ZNF536: variants seen among roughly 807,000 people sequenced by gnomAD.
ZNF536 encodes the protein zinc finger protein 536.
ZNF536 carries 13 observed loss-of-function variants against 84.5 expected under a neutral mutation model. The ratio of observed to expected loss-of-function variants is 0.15; its 90% confidence interval spans 0.10 to 0.24. The LOEUF (loss-of-function observed/expected upper bound fraction) is 0.24. Ranked by LOEUF, ZNF536 falls within the 10% of genes least tolerant of loss-of-function variation. The pLI is 1.00. For missense variants in ZNF536, 1,536 were observed against 1,747.5 expected (o/e 0.88, Z 2.16); for synonymous variants, 811 against 742.5 (o/e 1.09, Z -1.50).
chr19:30,537,876 G>A (rs561561041), intron 3 of ZNF536, among the ~76,000 whole-genome samples: 4 of 152,236 alleles, frequency 2.6e-5, no homozygotes, highest in East Asian at 1.9e-4. Context: ...ACCACCCCTC[G>A]GAAGCAGCAT....
In ZNF536 at chr19:30,449,657, G is replaced by C. The variant is rs551740587; in HGVS notation, c.2170+3925G>C. Among the ~76,000 whole-genome samples the C allele has an allele frequency of 2.6e-5, 4 of 152,280 alleles. No individual in the cohort carries two copies. The South Asian group carries it at 8.3e-4, about 32-fold the overall frequency. ...GACCCTCTGTTCATTAAATAAAGTC[G>C]GCTAAGTTACAGGATCAATGGAAAG... On this transcript the variant is annotated intron_variant, in intron 2 of 4. Transcript: ENST00000355537.
chr19:30,700,201 C>CTTCT (rs1261092882), intron 1 of ZNF536, among the ~76,000 whole-genome samples: 1 of 82,710 alleles, frequency 1.2e-5, no homozygotes, highest in African/African-American at 4.2e-5. Context: ...TCTTTCTTTC[C>CTTCT]TTCTTTCTTT....
chr19:30,647,383 C>T (rs1390032358), intron 1 of ZNF536, among the ~76,000 whole-genome samples: 3 of 152,168 alleles, frequency 2.0e-5, no homozygotes, highest in Non-Finnish European at 4.4e-5. Flanking sequence ...AAGGTATTTG[C>T]TAACCGTTCC....
intron 2 of ZNF536, among the ~76,000 whole-genome samples, chr19:30,518,689 G>A (rs999385548): frequency 1.8e-4 from 27 of 152,216 alleles, no homozygotes; most frequent in African/African-American, 6.5e-4. Context: ...CACTGGTATC[G>A]AATCGAGCAA....
intron 1 of ZNF536, among the ~76,000 whole-genome samples, chr19:30,670,805 C>T (rs760961627): frequency 5.3e-5 from 8 of 152,196 alleles, no homozygotes; most frequent in Non-Finnish European, 1.0e-4. Flanking sequence ...CCCTTCAGCC[C>T]GGGAGCCTGG....
At chr19:30,499,375 A>G (rs1297164986) in intron 2 of ZNF536, among the ~76,000 whole-genome samples, 6 of 152,130 alleles carry the variant, frequency 3.9e-5, no homozygotes, top group Non-Finnish European at 5.9e-5. Flanking sequence ...GTATGAATGT[A>G]TGTATATGTC....
At chr19:30,353,155 G>A (rs1401215688) in intron 3 of ZNF536, among the ~76,000 whole-genome samples, 3 of 152,146 alleles carry the variant, frequency 2.0e-5, no homozygotes, top group Non-Finnish European at 4.4e-5. Flanking sequence ...AGGCTTCCAC[G>A]GTTATCATCA....
chr19:30,315,525 G>T (rs1326485011), intron 2 of ZNF536, among the ~76,000 whole-genome samples: 1 of 152,214 alleles, frequency 6.6e-6, no homozygotes, highest in African/African-American at 2.4e-5. Flanking sequence ...GGAAGGTCCT[G>T]AGTCCAGTGA....
chr19:30,702,003 C>A (rs530241546), intron 1 of ZNF536, among the ~76,000 whole-genome samples: 1 of 152,200 alleles, frequency 6.6e-6, no homozygotes, highest in Non-Finnish European at 1.5e-5. Flanking sequence ...CTCTCTTACC[C>A]TCTGTCCCAC....
intron 1 of ZNF536, among the ~76,000 whole-genome samples, chr19:30,430,775 A>G (rs2051421820): frequency 1.3e-5 from 2 of 152,134 alleles, no homozygotes; most frequent in Non-Finnish European, 2.9e-5. Flanking sequence ...CCCCAGTTCA[A>G]GCGATTCTCC....
Position 30,588,038 on chromosome 19 carries a change from G to T in ZNF536, c.169+38524G>T, listed in dbSNP as rs1222028688. On this transcript the variant is annotated intron_variant, in intron 1 of 1. Coordinates refer to the ZNF536 transcript ENST00000592773. ...GTCCCTCTAGATCTCATAGGCCCCA[G>T]CTGCAAAGTGCACTCAGTCTTCATC... Among the ~76,000 whole-genome samples the T allele has an allele frequency of 2.0e-5, 3 of 152,234 alleles. No individual in the cohort carries two copies. In the East Asian group the frequency reaches 5.8e-4, roughly 29 times the overall value.
At chr19:30,336,257 A>G (rs944485797) in intron 2 of ZNF536, among the ~76,000 whole-genome samples, 13 of 152,166 alleles carry the variant, frequency 8.5e-5, no homozygotes, top group African/African-American at 3.1e-4. Context: ...GGTTCCTTCT[A>G]GAAGTTGCCC....
intron 2 of ZNF536, among the ~76,000 whole-genome samples, chr19:30,456,536 T>G (rs148313322): frequency 6.6e-6 from 1 of 152,284 alleles, no homozygotes; most frequent in African/African-American, 2.4e-5. Flanking sequence ...GTTTGCACCA[T>G]GAGAAAATCC....
intron 1 of ZNF536, among the ~76,000 whole-genome samples, chr19:30,636,143 T>G (rs1380141645): frequency 1.3e-5 from 2 of 152,222 alleles, no homozygotes; most frequent in African/African-American, 4.8e-5. Context: ...CCCTTCACAA[T>G]GGTGGTCAGC....
chr19:30,631,112 C>T (rs1028253340), intron 1 of ZNF536, among the ~76,000 whole-genome samples: 1 of 152,196 alleles, frequency 6.6e-6, no homozygotes, highest in Non-Finnish European at 1.5e-5. Flanking sequence ...CGGGCACTCC[C>T]GACCGGCTCT....
intron 2 of ZNF536, among the ~76,000 whole-genome samples, chr19:30,471,266 C>T (rs1181772912): frequency 6.6e-6 from 1 of 152,128 alleles, no homozygotes; most frequent in East Asian, 1.9e-4. Flanking sequence ...ATCTTGGTCA[C>T]CTGGCTGAGG....
chr19:30,688,437 C>A (rs2147885703), intron 1 of ZNF536, among the ~76,000 whole-genome samples: 1 of 152,298 alleles, frequency 6.6e-6, no homozygotes. Context: ...GATGCACTTT[C>A]TCCAAATTTT....
chr19:30,407,252 G>C (rs1169736775), intron 1 of ZNF536, among the ~76,000 whole-genome samples: 1 of 152,124 alleles, frequency 6.6e-6, no homozygotes, highest in African/African-American at 2.4e-5. Context: ...TTATATTGAC[G>C]TTTTGCTAGT....
chr19:30,498,875 C>T (rs1374807919), intron 2 of ZNF536, among the ~76,000 whole-genome samples: 1 of 152,090 alleles, frequency 6.6e-6, no homozygotes, highest in African/African-American at 2.4e-5. Flanking sequence ...CGCAAGTAGG[C>T]AGCGAGCATG....
Sources: gnomAD v4.1 joint callset for allele counts (sites outside exome capture counted in the v4.1 genomes callset) on GRCh38, gnomAD v4.1.1 for gene constraint, MANE v1.5 for transcripts, NCBI Gene and HGNC (gene_info 2026-07-23, HGNC 2026-07-21) for gene names.